Variants in MCTP1 observed in about 807,000 individuals in gnomAD.
MCTP1 encodes the protein multiple C2 and transmembrane domain containing 1, also known as multiple C2 and transmembrane domain-containing protein 1.
A neutral mutation model predicts 120.6 loss-of-function variants in MCTP1; 69 were observed. That is an observed-to-expected ratio of 0.57 (90% CI 0.47 to 0.70). The LOEUF is 0.70. Ranked by LOEUF, MCTP1 falls within the 30% of genes least tolerant of loss-of-function variation. The pLI, the probability that MCTP1 is intolerant of heterozygous loss-of-function variation, is 0.00. For missense variants in MCTP1, 1,203 were observed against 1,248.8 expected, an observed-to-expected ratio of 0.96 and a Z score of 0.55; for synonymous variants, 529 against 493.1, an observed-to-expected ratio of 1.07 and a Z score of -0.96.
intron 19 of MCTP1, among the ~76,000 whole-genome samples, chr5:94,723,162 T>A (rs1409549745): frequency 6.6e-6 from 1 of 152,210 alleles, no homozygotes; most frequent in Non-Finnish European, 1.5e-5. Flanking sequence ...TATCTAAGTG[T>A]CTTACTCAGT....
rs184811720 is a variant in MCTP1 at position 94,993,759 on chromosome 5, C to T, written c.838+23608G>A. ...TAATGTCTGGCCTCTGATCTAGAAACTTTGTGTTTGCTTTTAGGATGAAAT... is the reference window on the plus strand; with the variant it reads ...TAATGTCTGGCCTCTGATCTAGAAATTTTGTGTTTGCTTTTAGGATGAAAT... On this transcript the variant is annotated intron_variant, in intron 2 of 22. Transcript: ENST00000515393. Among the ~76,000 whole-genome samples the T allele has an allele frequency of 2.6e-5, 4 of 152,240 alleles. No homozygotes were observed. In the East Asian group the frequency reaches 7.7e-4, roughly 29 times the overall value.
intron 2 of MCTP1, among the ~76,000 whole-genome samples, chr5:94,953,836 TATATATACACAACTATATATATGC>T (rs1821307410): frequency 2.2e-5 from 1 of 46,126 alleles, no homozygotes; most frequent in Admixed American, 2.6e-4. Flanking sequence ...TATACATATA[TATATATACACAACTATATATATGC>T]ATATATATAC....
chr5:94,769,280 TTAGA>T, intron 19 of MCTP1, among the ~76,000 whole-genome samples: 1 of 152,028 alleles, frequency 6.6e-6, no homozygotes, highest in Non-Finnish European at 1.5e-5. Flanking sequence ...AAACATACAA[TTAGA>T]TAGAAGGACT....
At chr5:94,944,553 A>G (rs1818473570) in intron 3 of MCTP1, among the ~76,000 whole-genome samples, 3 of 152,174 alleles carry the variant, frequency 2.0e-5, no homozygotes, top group African/African-American at 7.2e-5. Flanking sequence ...AGATCACCTG[A>G]GGTTCACCCA....
intron 18 of MCTP1, among the ~76,000 whole-genome samples, chr5:94,783,190 C>T (rs1488497290): frequency 2.0e-5 from 3 of 152,052 alleles, no homozygotes; most frequent in Non-Finnish European, 4.4e-5. Flanking sequence ...TAGACAGCCC[C>T]AAATGCAGCA....
intron 1 of MCTP1, among the ~76,000 whole-genome samples, chr5:95,176,935 G>A (rs1277686697): frequency 6.6e-5 from 10 of 151,306 alleles, no homozygotes; most frequent in Non-Finnish European, 1.2e-4. Flanking sequence ...TGCAATCTCC[G>A]CTCACTACAA....
chr5:94,819,720 T>C (rs1785234999), intron 17 of MCTP1, among the ~76,000 whole-genome samples: 1 of 152,196 alleles, frequency 6.6e-6, no homozygotes, highest in African/African-American at 2.4e-5. Flanking sequence ...TCCATGATAA[T>C]TCACCAGTCA....
chr5:95,114,425 C>T (rs1757672283), intron 1 of MCTP1, among the ~76,000 whole-genome samples: 1 of 152,172 alleles, frequency 6.6e-6, no homozygotes, highest in Non-Finnish European at 1.5e-5. Flanking sequence ...AAGACCACTG[C>T]CCTGAAGGGT....
At chr5:95,207,511 T>A (rs1383840392) in intron 1 of MCTP1, among the ~76,000 whole-genome samples, 1 of 152,180 alleles carries the variant, frequency 6.6e-6, no homozygotes, top group East Asian at 1.9e-4. Context: ...ATTAAATTGA[T>A]CAGAGTTTGG....
chr5:94,866,309 A>G (rs568361603), intron 17 of MCTP1, among the ~76,000 whole-genome samples: 2 of 152,014 alleles, frequency 1.3e-5, no homozygotes, highest in East Asian at 1.9e-4. Flanking sequence ...CAGGGTTCCC[A>G]TTCTTATAGA....
Position 95,263,286 on chromosome 5 carries a change from G to A in MCTP1, c.720+20570C>T, listed in dbSNP as rs141344572. On this transcript the variant is annotated intron_variant, in intron 1 of 22. Transcript: ENST00000515393. The stretch of plus-strand genomic sequence containing the variant: ...GACGGTGGCAGAGGAGAACAGGGCA[G>A]TTTCCCATTCCCTTGCCAGACCCAG... Among the ~76,000 whole-genome samples, 587 of 152,304 alleles carry A rather than the reference G, an allele frequency of 3.9e-3. 4 individuals carry two copies. Among genetic ancestry groups the A allele is most frequent in the African/African-American group, 0.012 (510 of 41,558 alleles).
At chr5:94,742,649 TTA>T (rs1765787977) in intron 19 of MCTP1, among the ~76,000 whole-genome samples, 1 of 152,186 alleles carries the variant, frequency 6.6e-6, no homozygotes, top group Non-Finnish European at 1.5e-5. Flanking sequence ...CTTTTTTTTT[TTA>T]ATTTGACAGA....
chr5:95,246,025 A>C (rs1756739177), intron 1 of MCTP1, among the ~76,000 whole-genome samples: 1 of 152,216 alleles, frequency 6.6e-6, no homozygotes. Context: ...GCCAATATGC[A>C]ACATTCTTAA....
At chr5:94,813,462 A>G (rs929407976) in intron 17 of MCTP1, among the ~76,000 whole-genome samples, 1 of 152,240 alleles carries the variant, frequency 6.6e-6, no homozygotes, top group African/African-American at 2.4e-5. Flanking sequence ...TTCTACTCCT[A>G]TCAAAGAAAA....
rs144815967 is a variant in MCTP1 at position 95,013,640 on chromosome 5, T to A, written c.838+3727A>T. Among the ~76,000 whole-genome samples the A allele has an allele frequency of 4.6e-5, 7 of 152,218 alleles. No individual in the cohort carries two copies. In the East Asian group the frequency reaches 1.4e-3, roughly 29 times the overall value. On this transcript the variant is annotated intron_variant, in intron 2 of 22. Transcript: ENST00000515393. ...GACAGCATATCTATTTATAGCATGGTTTGCTAAATATTTAGTAGGCCCAAT... is the reference window on the plus strand; with the variant it reads ...GACAGCATATCTATTTATAGCATGGATTGCTAAATATTTAGTAGGCCCAAT...
intron 17 of MCTP1, among the ~76,000 whole-genome samples, chr5:94,818,096 A>G (rs1380506910): frequency 2.0e-5 from 3 of 152,192 alleles, no homozygotes; most frequent in African/African-American, 7.2e-5. Context: ...AACAAAAGCT[A>G]GAAGAAGGTA....
intron 12 of MCTP1, chr5:94,877,682 C>T (rs1404848497): frequency 6.6e-6 from 1 of 152,068 alleles, no homozygotes; most frequent in Non-Finnish European, 1.5e-5. Context: ...ACGACACTGA[C>T]ATATTGATAA....
At position 94,888,942 on chromosome 5, in the gene MCTP1, C is replaced by G. The variant is rs868408460; in HGVS notation, c.1870G>C (p.Asp624His). 6.2e-7 allele frequency: 1 copy of G among 1,613,934 alleles called. No homozygotes were observed. The highest frequency in any genetic ancestry group is 1.1e-5 in the South Asian group (1 of 91,066). Residue 624 changes from aspartate (D) to histidine (H), a missense_variant, in exon 12 of 23, where the codon GAT (aspartate) becomes CAT (histidine). Physicochemically the swap from Asp to His is moderately conservative, Grantham distance 81. Coordinates refer to ENST00000515393, the MANE Select transcript of MCTP1 (RefSeq NM_024717.7). ...ACTTTCACCTGGAGAAATCCCACAT[C>G]TTTCAGGTTGTGAAATATCCTCAAT... The part of the protein sequence containing the change: ...SPLRIFHNLK[D>H]VGFLQVKVIR...
intron 17 of MCTP1, among the ~76,000 whole-genome samples, chr5:94,865,103 T>C (rs17335290): frequency 0.05 from 7,579 of 151,876 alleles, 228 homozygotes; most frequent in Non-Finnish European, 0.072. Flanking sequence ...CCCAGAAACG[T>C]ATCTGCTTAT....
Sources: allele counts gnomAD v4.1 joint callset (sites outside exome capture counted in the v4.1 genomes callset), GRCh38; gene constraint gnomAD v4.1.1; transcripts MANE v1.5; gene names NCBI Gene and HGNC (gene_info 2026-07-23, HGNC 2026-07-21).